The following SEMA6D variants were observed in gnomAD, a reference collection of about 807,000 sequenced individuals.
The protein encoded by SEMA6D is semaphorin 6D.
Under a neutral mutation model 106.6 loss-of-function variants are expected in SEMA6D, and 35 were observed. That is an observed-to-expected ratio of 0.33 (90% CI 0.25 to 0.44). The LOEUF (loss-of-function observed/expected upper bound fraction) is 0.44. Among genes scored for constraint, SEMA6D ranks in the 20% least tolerant of loss-of-function variants. The pLI is 1.00. For synonymous variants in SEMA6D, 499 were observed against 487.7 expected, an observed-to-expected ratio of 1.02 and a Z score of -0.31; for missense variants, 1,185 against 1,345.9, an observed-to-expected ratio of 0.88 and a Z score of 1.87.
At chr15:47,287,443 G>A (rs188150202) in intron 1 of SEMA6D, among the ~76,000 whole-genome samples, 23 of 152,212 alleles carry the variant, frequency 1.5e-4, no homozygotes, top group Middle Eastern at 3.4e-3. Flanking sequence ...TCATTTGAGC[G>A]CCCTAGATTC....
chr15:47,218,389 A>G (rs529733480), intron 1 of SEMA6D, among the ~76,000 whole-genome samples: 1 of 152,196 alleles, frequency 6.6e-6, no homozygotes, highest in South Asian at 2.1e-4. Flanking sequence ...AGTCAACCCT[A>G]TTATGGGTTG....
intron 1 of SEMA6D, among the ~76,000 whole-genome samples, chr15:47,295,653 C>A (rs935155049): frequency 1.9e-4 from 29 of 152,194 alleles, no homozygotes; most frequent in Admixed American, 3.9e-4. Context: ...AAGAAAGATA[C>A]AGAATGTTCT....
chr15:47,665,237 TTC>T (rs1273075097), intron 4 of SEMA6D, among the ~76,000 whole-genome samples: 1 of 152,220 alleles, frequency 6.6e-6, no homozygotes, highest in East Asian at 1.9e-4. Flanking sequence ...AGAAAATCTA[TTC>T]TCTTTCTTTT....
intron 2 of SEMA6D, among the ~76,000 whole-genome samples, chr15:47,451,081 G>A (rs2042177224): frequency 1.3e-5 from 2 of 152,234 alleles, no homozygotes; most frequent in Admixed American, 1.3e-4. Context: ...TGCAGCGAAT[G>A]TGAGGCTTAA....
chr15:47,755,788 G>A (rs537955817), intron 1 of SEMA6D, among the ~76,000 whole-genome samples: 1 of 150,590 alleles, frequency 6.6e-6, no homozygotes, highest in East Asian at 1.9e-4. Flanking sequence ...TTTTTATAGA[G>A]CCTTAAGCTG....
At chr15:47,433,538 T>C (rs1345284117) in intron 2 of SEMA6D, among the ~76,000 whole-genome samples, 1 of 152,110 alleles carries the variant, frequency 6.6e-6, no homozygotes, top group Non-Finnish European at 1.5e-5. Context: ...TGACCCCTTG[T>C]AGAGATGTTT....
At chr15:47,489,028 A>C (rs1199422495) in intron 3 of SEMA6D, among the ~76,000 whole-genome samples, 3 of 152,196 alleles carry the variant, frequency 2.0e-5, no homozygotes, top group Non-Finnish European at 4.4e-5. Flanking sequence ...TGGGGGGAAA[A>C]ACAAGGTCTT....
intron 4 of SEMA6D, among the ~76,000 whole-genome samples, chr15:47,665,944 G>T (rs2078018487): frequency 6.6e-6 from 1 of 152,230 alleles, no homozygotes; most frequent in Non-Finnish European, 1.5e-5. Context: ...CAATAATACA[G>T]ACAAGAGTAT....
intron 3 of SEMA6D, among the ~76,000 whole-genome samples, chr15:47,514,095 A>C (rs542396884): frequency 8.5e-5 from 13 of 152,224 alleles, no homozygotes; most frequent in Non-Finnish European, 1.6e-4. Flanking sequence ...CATTACTTGC[A>C]TGAGTGAGAT....
intron 1 of SEMA6D, among the ~76,000 whole-genome samples, chr15:47,205,503 C>T (rs1895001675): frequency 6.6e-6 from 1 of 152,068 alleles, no homozygotes; most frequent in African/African-American, 2.4e-5. Context: ...GGGTCAAAAG[C>T]ATATTTGCCA....
chr15:47,321,722 A>G (rs1009752391), intron 1 of SEMA6D, among the ~76,000 whole-genome samples: 1 of 152,152 alleles, frequency 6.6e-6, no homozygotes, highest in Non-Finnish European at 1.5e-5. Flanking sequence ...ATCACCACAT[A>G]TTTACATGTC....
rs2082576979 is a variant in SEMA6D, at chr15:47,770,580, G to T, written c.2017G>T (p.Val673Phe). Residue 673 changes from valine (V) to phenylalanine (F), a missense_variant, in exon 19 of 19, where the codon GTT (valine) becomes TTT (phenylalanine). By Grantham distance (50) the Val-to-Phe change is conservative (BLOSUM62 -1). Around this residue, in one of 3 missense-constraint regions of SEMA6D, gnomAD observed 750 missense variants for 783.5 expected, o/e 0.96. Coordinates refer to ENST00000536845, the MANE Select transcript of SEMA6D (RefSeq NM_001358351.3). ...CATCACCTGTGTCTTTGCTGCTTTT[G>T]TTTTGGGGGCATTCATTGCAGGTGT... is the stretch of plus-strand genomic sequence containing the variant. ...VLITCVFAAF[V>F]LGAFIAGVAV... 18 of 1,613,934 alleles carry T rather than the reference G, an allele frequency of 1.1e-5. No individual in the cohort carries two copies. The highest frequency in any genetic ancestry group is 1.4e-5 in the Non-Finnish European group (17 of 1,179,890).
At chr15:47,553,782 T>C (rs545526566) in intron 3 of SEMA6D, among the ~76,000 whole-genome samples, 1 of 152,276 alleles carries the variant, frequency 6.6e-6, no homozygotes, top group South Asian at 2.1e-4. Flanking sequence ...ATTAGTGCAT[T>C]ACATATGAGG....
At chr15:47,215,962 A>T (rs985164320) in intron 1 of SEMA6D, among the ~76,000 whole-genome samples, 1 of 152,178 alleles carries the variant, frequency 6.6e-6, no homozygotes, top group African/African-American at 2.4e-5. Context: ...TTAAAATTAT[A>T]GAATCAGACA....
intron 1 of SEMA6D, among the ~76,000 whole-genome samples, chr15:47,371,697 T>A (rs1595853439): frequency 6.6e-6 from 1 of 152,096 alleles, no homozygotes; most frequent in Non-Finnish European, 1.5e-5. Flanking sequence ...CCCATACAAC[T>A]TGTGAGCCAT....
chr15:47,193,892 A>G (rs542582411), intron 1 of SEMA6D, among the ~76,000 whole-genome samples: 1 of 152,038 alleles, frequency 6.6e-6, no homozygotes, highest in East Asian at 1.9e-4. Flanking sequence ...CCTTATCTCA[A>G]TTTGAGCTTT....
intron 2 of SEMA6D, among the ~76,000 whole-genome samples, chr15:47,417,003 G>A (rs565613158): frequency 4.1e-4 from 62 of 152,090 alleles, no homozygotes; most frequent in African/African-American, 1.4e-3. Flanking sequence ...ACAAAATGTC[G>A]TTAGAGCTCA....
At chr15:47,314,849 C>CTTTTTT (rs1173992222) in intron 1 of SEMA6D, among the ~76,000 whole-genome samples, 8 of 83,918 alleles carry the variant, frequency 9.5e-5, no homozygotes, top group African/African-American at 4.2e-4. Flanking sequence ...TCTAGGTTTT[C>CTTTTTT]TTTTTTTTTT....
chr15:47,293,086 G>A (rs1262011407), intron 1 of SEMA6D, among the ~76,000 whole-genome samples: 1 of 152,008 alleles, frequency 6.6e-6, no homozygotes, highest in Non-Finnish European at 1.5e-5. Context: ...GTCTAATTTG[G>A]GACTCTGGTG....
Sources: allele counts gnomAD v4.1 joint callset (sites outside exome capture counted in the v4.1 genomes callset), GRCh38; gene constraint gnomAD v4.1.1; regional missense constraint gnomAD v4.1.1; transcripts MANE v1.5; gene names NCBI Gene and HGNC (gene_info 2026-07-23, HGNC 2026-07-21).